Variants in KLF8 observed in about 807,000 individuals in gnomAD.
KLF8 encodes the protein KLF transcription factor 8.
KLF8 carries 10 observed loss-of-function variants against 18.2 expected under a neutral mutation model. The ratio of observed to expected loss-of-function variants is 0.55; its 90% confidence interval spans 0.34 to 0.93. The LOEUF (loss-of-function observed/expected upper bound fraction) is 0.93, where lower values mean the gene tolerates loss of function less well. KLF8 is among the 40% of genes least tolerant of loss of function. The pLI is 0.02. For synonymous variants in KLF8, 109 were observed against 97.3 expected (o/e 1.12, Z -0.71); for missense variants, 264 against 277.9 (o/e 0.95, Z 0.36).
chrX:56,233,482 A>AT, intron 1 of KLF8, 141 bp downstream of exon 1: 1 of 489,018 alleles, frequency 2.0e-6, no homozygotes, highest in Admixed American at 3.2e-5. Context: ...TAAGAACACT[A>AT]TGTGGAATCA....
At chrX:56,254,139 A>G in intron 2 of KLF8, among the ~76,000 whole-genome samples, 1 of 111,623 alleles carries the variant, frequency 9.0e-6, no homozygotes, top group South Asian at 3.8e-4. Context: ...GTATTTTGAT[A>G]GGGATTTTAT....
the KLF8 span, among the ~76,000 whole-genome samples, chrX:55,998,787 A>G: frequency 9.3e-5 from 9 of 96,726 alleles, no homozygotes; most frequent in Admixed American, 7.8e-4. Flanking sequence ...CTCATTCTGT[A>G]TGTTGCCTAC....
chrX:55,997,724 C>T, the KLF8 span, among the ~76,000 whole-genome samples: 4 of 112,012 alleles, frequency 3.6e-5, no homozygotes, highest in African/African-American at 1.3e-4. Flanking sequence ...TCTTCCTTTT[C>T]GCTTTTGTTC....
chrX:56,106,730 G>A, the KLF8 span, among the ~76,000 whole-genome samples: 2 of 112,035 alleles, frequency 1.8e-5, no homozygotes, highest in East Asian at 2.8e-4. Context: ...CATCAAAGTC[G>A]TTCTCTGTCC....
At chrX:56,222,902 G>T in the KLF8 span, among the ~76,000 whole-genome samples, 11 of 112,925 alleles carry the variant, frequency 9.7e-5, no homozygotes, top group African/African-American at 3.5e-4. Context: ...CGCAAGCGCC[G>T]TGTGCAGTCC....
Position 56,270,178 on chromosome X carries a change from T to C in KLF8, c.759-4T>C, listed in dbSNP as rs754396197. ...TTTGGCTTTATCTCTATTTCTTTGATCAGACCAGCAGCAATGGCCCAAATG... is the reference window on the plus strand; with the variant it reads ...TTTGGCTTTATCTCTATTTCTTTGACCAGACCAGCAGCAATGGCCCAAATG... On this transcript the variant is annotated splice_region_variant and splice_polypyrimidine_tract_variant and intron_variant, in intron 4 of 5. Coordinates refer to ENST00000468660, the MANE Select transcript of KLF8 (RefSeq NM_007250.5). The C allele has an allele frequency of 8.3e-7, 1 of 1,203,446 alleles. No homozygotes were observed. The highest frequency in any genetic ancestry group is 1.1e-6 in the Non-Finnish European group (1 of 891,577).
the KLF8 span, among the ~76,000 whole-genome samples, chrX:55,954,070 A>T: frequency 9.0e-6 from 1 of 110,564 alleles, no homozygotes; most frequent in South Asian, 3.8e-4. Context: ...AAGGAGTCTG[A>T]GATCCAGAAT....
At chrX:56,097,324 T>C in the KLF8 span, among the ~76,000 whole-genome samples, 1 of 107,783 alleles carries the variant, frequency 9.3e-6, no homozygotes, top group Admixed American at 1.0e-4. Flanking sequence ...GTGAGAAAAT[T>C]TCTACACCCT....
chrX:56,242,007 C>A (rs182766570), intron 1 of KLF8, among the ~76,000 whole-genome samples: 12 of 112,063 alleles, frequency 1.1e-4, no homozygotes, highest in African/African-American at 3.2e-4. Flanking sequence ...TGCTCAAGGT[C>A]ACACAACAAT....
the KLF8 span, among the ~76,000 whole-genome samples, chrX:55,910,948 C>T: frequency 9.0e-6 from 1 of 111,709 alleles, no homozygotes; most frequent in Non-Finnish European, 1.9e-5. Flanking sequence ...GTTAGAGATG[C>T]TGACCCCACA....
At chrX:55,940,984 A>G in the KLF8 span, among the ~76,000 whole-genome samples, 8 of 111,818 alleles carry the variant, frequency 7.2e-5, no homozygotes, top group African/African-American at 2.6e-4. Flanking sequence ...CATCCCCATC[A>G]ATCTACCAAT....
At chrX:56,076,991 TG>T in the KLF8 span, among the ~76,000 whole-genome samples, 1 of 111,967 alleles carries the variant, frequency 8.9e-6, no homozygotes, top group African/African-American at 3.2e-5. Context: ...CGGGGTTGTT[TG>T]TTTTTTTCTT....
chrX:55,994,771 G>A, the KLF8 span, among the ~76,000 whole-genome samples: 3 of 111,753 alleles, frequency 2.7e-5, no homozygotes, highest in Non-Finnish European at 5.6e-5. Context: ...AATATGCTGT[G>A]GTCTGAGAGT....
chrX:56,148,007 G>T, the KLF8 span, among the ~76,000 whole-genome samples: 3 of 111,658 alleles, frequency 2.7e-5, no homozygotes, highest in Non-Finnish European at 5.6e-5. Flanking sequence ...GAGAAGCAAT[G>T]GTTGCACAAC....
chrX:56,011,485 G>A, the KLF8 span, among the ~76,000 whole-genome samples: 13,105 of 111,284 alleles, frequency 0.12, 1,914 homozygotes, highest in African/African-American at 0.41. Flanking sequence ...TTATAACACT[G>A]AATGCCCACA....
At chrX:56,107,645 G>A in the KLF8 span, among the ~76,000 whole-genome samples, 1 of 111,499 alleles carries the variant, frequency 9.0e-6, no homozygotes, top group Non-Finnish European at 1.9e-5. Context: ...CCTTGCCTAG[G>A]AAAGGGAAAT....
chrX:56,197,507 G>T, the KLF8 span, among the ~76,000 whole-genome samples: 2 of 111,428 alleles, frequency 1.8e-5, no homozygotes, highest in African/African-American at 3.3e-5. Context: ...ATAAATTCCT[G>T]GACACATACA....
chrX:56,077,837 C>T, the KLF8 span, among the ~76,000 whole-genome samples: 1 of 111,122 alleles, frequency 9.0e-6, no homozygotes, highest in African/African-American at 3.3e-5. Flanking sequence ...GTTTGTAGTT[C>T]TCCTTGTAGA....
At chrX:56,242,927 T>A (rs769487098) in intron 1 of KLF8, 1 of 444,938 alleles carries the variant, frequency 2.2e-6, no homozygotes, top group East Asian at 4.9e-5. Flanking sequence ...ATTAGTCAGC[T>A]GGACTCAGTT....
Sources: gnomAD v4.1 joint callset for allele counts (sites outside exome capture counted in the v4.1 genomes callset) on GRCh38, gnomAD v4.1.1 for gene constraint, MANE v1.5 for transcripts, NCBI Gene and HGNC (gene_info 2026-07-23, HGNC 2026-07-21) for gene names.